NHSL1: variants seen among roughly 807,000 people sequenced by gnomAD.
NHSL1 encodes NHS like 1.
Under a neutral mutation model 95.0 loss-of-function variants are expected in NHSL1, and 48 were observed. The observed-to-expected ratio is 0.51, with a 90% confidence interval of 0.40 to 0.64. The LOEUF (loss-of-function observed/expected upper bound fraction) is 0.64. NHSL1 is among the 30% of genes least tolerant of loss of function. NHSL1 has a pLI of 0.00. For missense variants in NHSL1, 1,971 were observed against 2,077.7 expected, an observed-to-expected ratio of 0.95 and a Z score of 1.00; for synonymous variants, 783 against 833.9, an observed-to-expected ratio of 0.94 and a Z score of 1.05.
At chr6:138,470,932 T>C (rs571994170) in intron 3 of NHSL1, among the ~76,000 whole-genome samples, 5 of 152,278 alleles carry the variant, frequency 3.3e-5, no homozygotes, top group African/African-American at 9.6e-5. Flanking sequence ...ACGGAAACAT[T>C]TGTGTTTACT....
chr6:138,656,465 T>C (rs1246288814), intron 1 of NHSL1, among the ~76,000 whole-genome samples: 1 of 152,172 alleles, frequency 6.6e-6, no homozygotes, highest in South Asian at 2.1e-4. Flanking sequence ...CAATTATGCA[T>C]GAGTACAGTC....
Position 138,692,040 on chromosome 6 carries a change from C to A in NHSL1, c.96+436G>T, listed in dbSNP as rs1453274560. ...GATCCCCAGGGTTTTACAAACGGAT[C>A]GTCCTGAAGTCTCCAAAACTGTAAC... On this transcript the variant is annotated intron_variant, in intron 1 of 3. Transcript: ENST00000491526. The surrounding 1 kb of genome is among the most constrained non-coding windows in gnomAD (Gnocchi z 4.0). 1 of 456,664 alleles carries A rather than the reference C, an allele frequency of 2.2e-6. No homozygotes were observed. 28.3% of individuals were successfully genotyped at this position (456,664 alleles called of 1,614,324 possible).
intron 2 of NHSL1, among the ~76,000 whole-genome samples, chr6:138,483,640 C>CT (rs1583277717): frequency 6.6e-6 from 1 of 152,190 alleles, no homozygotes; most frequent in African/African-American, 2.4e-5. Context: ...ATTGACACCC[C>CT]TGTCTCCTTT....
chr6:138,563,902 G>A (rs954732413), intron 1 of NHSL1, among the ~76,000 whole-genome samples: 1 of 152,176 alleles, frequency 6.6e-6, no homozygotes, highest in African/African-American at 2.4e-5. Context: ...CAGACCAATT[G>A]GTGGGGAGGG....
At chr6:138,580,083 G>A (rs1388454861) in intron 1 of NHSL1, among the ~76,000 whole-genome samples, 4 of 152,078 alleles carry the variant, frequency 2.6e-5, no homozygotes, top group African/African-American at 7.2e-5. Context: ...CAAAAATATC[G>A]AGTACGTTTC....
chr6:138,542,173 CG>C (rs1221616349), intron 1 of NHSL1, among the ~76,000 whole-genome samples: 1 of 152,162 alleles, frequency 6.6e-6, no homozygotes, highest in Admixed American at 6.5e-5. Flanking sequence ...GGAAGGAAGG[CG>C]GTAGGAAGAG....
intron 1 of NHSL1, among the ~76,000 whole-genome samples, chr6:138,610,415 A>G (rs1784494447): frequency 6.6e-6 from 1 of 152,014 alleles, no homozygotes; most frequent in South Asian, 2.1e-4. Context: ...GGGGAGGGAT[A>G]GCATTAGGAG....
intron 1 of NHSL1, among the ~76,000 whole-genome samples, chr6:138,597,977 C>T (rs1207620358): frequency 1.3e-5 from 2 of 151,958 alleles, no homozygotes; most frequent in African/African-American, 4.8e-5. Flanking sequence ...GCAGAGAAGG[C>T]GGTGCAGGTG....
intron 1 of NHSL1, among the ~76,000 whole-genome samples, chr6:138,684,228 A>G (rs966733412): frequency 6.2e-5 from 9 of 145,236 alleles, no homozygotes; most frequent in African/African-American, 2.3e-4. Flanking sequence ...AAAAAAAAAA[A>G]TCCCTGCAAA....
At chr6:138,612,900 G>C (rs1055014732) in intron 1 of NHSL1, among the ~76,000 whole-genome samples, 5 of 152,098 alleles carry the variant, frequency 3.3e-5, no homozygotes, top group Non-Finnish European at 7.4e-5. Flanking sequence ...TCTTTTTTAA[G>C]GAAAGGGCAT....
intron 1 of NHSL1, among the ~76,000 whole-genome samples, chr6:138,658,677 TGA>T (rs2114727053): frequency 6.6e-6 from 1 of 152,282 alleles, no homozygotes; most frequent in South Asian, 2.1e-4. Context: ...TTTGATGTGG[TGA>T]TTTTTTTCAT....
upstream of NHSL1, among the ~76,000 whole-genome samples, chr6:138,502,480 A>G (rs888542731): frequency 6.8e-6 from 1 of 146,112 alleles, no homozygotes; most frequent in African/African-American, 2.5e-5. Context: ...CAGTGGCGGA[A>G]AAAAAAAAAA....
intron 1 of NHSL1, among the ~76,000 whole-genome samples, chr6:138,569,049 C>T (rs1446923011): frequency 1.3e-5 from 2 of 152,140 alleles, no homozygotes; most frequent in Non-Finnish European, 2.9e-5. Flanking sequence ...GCAAAGCATA[C>T]CTGGAGACAG....
intron 1 of NHSL1, among the ~76,000 whole-genome samples, chr6:138,617,180 A>G (rs1784591752): frequency 6.6e-6 from 1 of 152,216 alleles, no homozygotes. Flanking sequence ...ACCACATGGC[A>G]ATGGTGAGAC....
intron 1 of NHSL1, among the ~76,000 whole-genome samples, chr6:138,531,924 A>G (rs1782151467): frequency 6.6e-6 from 1 of 152,232 alleles, no homozygotes; most frequent in Admixed American, 6.5e-5. Context: ...GCTTCTTGGT[A>G]TCAATGGTAA....
chr6:138,471,571 AG>A (rs1368940361), intron 3 of NHSL1, among the ~76,000 whole-genome samples: 1 of 152,258 alleles, frequency 6.6e-6, no homozygotes, highest in Non-Finnish European at 1.5e-5. Flanking sequence ...TTCAAGAAAT[AG>A]GAAAAACATT....
chr6:138,645,147 T>C (rs529923519), intron 1 of NHSL1, among the ~76,000 whole-genome samples: 1 of 152,376 alleles, frequency 6.6e-6, no homozygotes, highest in Admixed American at 6.5e-5. Flanking sequence ...TTTAGTGTTA[T>C]TGTATGATTT....
intron 1 of NHSL1, among the ~76,000 whole-genome samples, chr6:138,610,560 T>TATATATATATATATATA (rs1554256222): frequency 3.1e-5 from 2 of 64,608 alleles, no homozygotes; most frequent in African/African-American, 1.6e-4. Context: ...TATATATATA[T>TATATATATATATATATA]TATATATATA....
At chr6:138,569,476 C>A (rs1458076975) in intron 1 of NHSL1, among the ~76,000 whole-genome samples, 1 of 152,122 alleles carries the variant, frequency 6.6e-6, no homozygotes, top group East Asian at 1.9e-4. Flanking sequence ...CCCATCAGAC[C>A]AATGTGTCTC....
Sources: allele counts gnomAD v4.1 joint callset (sites outside exome capture counted in the v4.1 genomes callset), GRCh38; gene constraint gnomAD v4.1.1; non-coding constraint Gnocchi (gnomAD v3.1); transcripts MANE v1.5; gene names NCBI Gene and HGNC (gene_info 2026-07-23, HGNC 2026-07-21).